BIN2: variants seen among roughly 807,000 people sequenced by gnomAD.
The protein encoded by BIN2 is breast cancer associated protein BRAP1.
Under a neutral mutation model 67.9 loss-of-function variants are expected in BIN2, and 43 were observed. The observed-to-expected ratio is 0.63, with a 90% CI of 0.50 to 0.82. The LOEUF (loss-of-function observed/expected upper bound fraction) is 0.82. Ranked by LOEUF, BIN2 falls within the 40% of genes least tolerant of loss-of-function variation. The pLI is 0.00. For synonymous variants in BIN2, 244 were observed against 246.8 expected, an observed-to-expected ratio of 0.99 and a Z score of 0.11; for missense variants, 581 against 671.6, an observed-to-expected ratio of 0.87 and a Z score of 1.49.
In BIN2 at chr12:51,299,091, G is replaced by T. The variant is rs771575673; in HGVS notation, c.602+112C>A. Reference sequence around the variant, plus strand: ...CCCTGTCTCGAAAAAAAAAAAAAGGGGGCGGGGCAGTGTGGGAATTTAAAT... The same window carrying T: ...CCCTGTCTCGAAAAAAAAAAAAAGGTGGCGGGGCAGTGTGGGAATTTAAAT... On this transcript the variant is annotated intron_variant, in intron 7 of 12. Coordinates refer to ENST00000615107, the MANE Select transcript of BIN2 (RefSeq NM_016293.4). 394 of 684,174 alleles carry T rather than the reference G, an allele frequency of 5.8e-4. 5 individuals carry two copies. Among genetic ancestry groups the T allele is most frequent in the Admixed American group, 1.7e-4 (6 of 34,514 alleles). 42.4% of individuals were successfully genotyped at this position (684,174 alleles called of 1,614,324 possible).
At chr12:51,299,118 T>C in intron 7 of BIN2, 85 bp downstream of exon 7, 1 of 962,948 alleles carries the variant, frequency 1.0e-6, no homozygotes, top group South Asian at 1.4e-5. Flanking sequence ...AATTTAAATC[T>C]AAAACACTTT....
intron 11 of BIN2, among the ~76,000 whole-genome samples, chr12:51,285,973 A>T (rs1945229461): frequency 6.6e-6 from 1 of 152,152 alleles, no homozygotes; most frequent in Non-Finnish European, 1.5e-5. Flanking sequence ...TCCTTCAAGG[A>T]CATTTTCTTT....
chr12:51,294,433 G>A (rs1427619678), intron 9 of BIN2, among the ~76,000 whole-genome samples: 2 of 152,114 alleles, frequency 1.3e-5, no homozygotes, highest in African/African-American at 4.8e-5. Flanking sequence ...CGGGTGTGGT[G>A]GCATGTGCCT....
At chr12:51,283,853 G>A (rs1945174685) in intron 12 of BIN2, among the ~76,000 whole-genome samples, 1 of 151,866 alleles carries the variant, frequency 6.6e-6, no homozygotes, top group Non-Finnish European at 1.5e-5. Context: ...AATTAGCTGG[G>A]CGTGGTGGCG....
Position 51,324,072 on chromosome 12 carries a change from C to T in BIN2, c.31G>A (p.Gly11Ser), listed in dbSNP as rs1184050111. The change falls in exon 1 of 13, where the codon GGC (glycine) becomes AGC (serine). Residue 11 changes from glycine (G) to serine (S), a missense_variant. Gly to Ser is a moderately conservative substitution (Grantham distance 56, BLOSUM62 0). Coordinates refer to ENST00000615107, the MANE Select transcript of BIN2 (RefSeq NM_016293.4). MAEGKAGGAA[G>S]LFAKQVQKKF... is the part of the protein sequence containing the mutation. Reference sequence around the variant, plus strand: ...TTCTGCACCTGCTTGGCGAAGAGGCCGGCCGCGCCGCCTGCCTTGCCCTCT... The same window carrying T: ...TTCTGCACCTGCTTGGCGAAGAGGCTGGCCGCGCCGCCTGCCTTGCCCTCT... 6.2e-7 allele frequency: 1 copy of T among 1,613,444 alleles called. No homozygotes were observed. Among genetic ancestry groups the T allele is most frequent in the East Asian group, 2.2e-5 (1 of 44,826 alleles).
rs370076445 is a variant in BIN2, at chr12:51,323,891, G to A, written c.81+131C>T. The A allele has an allele frequency of 2.1e-5, 23 of 1,097,618 alleles. No individual in the cohort carries two copies. The East Asian group carries it at 4.6e-4, about 22-fold the overall frequency. 68.0% of individuals were successfully genotyped at this position (1,097,618 alleles called of 1,614,324 possible). On this transcript the variant is annotated intron_variant, in intron 1 of 12. Transcript: ENST00000615107. ...CTCGCTCCCGTTTCCCTGGGAGAGC[G>A]GGAGACCCTTCTCGTCAGCCCAGAC...
intron 8 of BIN2, 27 bp downstream of exon 8, chr12:51,297,062 A>G: frequency 6.3e-7 from 1 of 1,582,042 alleles, no homozygotes; most frequent in East Asian, 2.2e-5. Flanking sequence ...CACACCTAGG[A>G]GCCTCAATTG....
intron 5 of BIN2, 151 bp downstream of exon 5, chr12:51,301,869 T>G (rs1945731691): frequency 1.0e-5 from 6 of 592,278 alleles, no homozygotes; most frequent in South Asian, 2.0e-5. Context: ...CCTAACCTCT[T>G]GTCTAACCCT....
At chr12:51,319,715 A>G (rs1946218117) in intron 1 of BIN2, among the ~76,000 whole-genome samples, 1 of 152,170 alleles carries the variant, frequency 6.6e-6, no homozygotes, top group East Asian at 1.9e-4. Flanking sequence ...TTCATTGATT[A>G]TTTATAACTT....
At position 51,281,333 on chromosome 12, in the gene BIN2, A is replaced by AG; in HGVS notation, c.*165dup. 1.5e-6 allele frequency: 1 copy of AG among 676,250 alleles called. No homozygotes were observed. Among genetic ancestry groups the AG allele is most frequent in the Non-Finnish European group, 2.6e-6 (1 of 379,980 alleles). 41.9% of individuals were successfully genotyped at this position (676,250 alleles called of 1,614,324 possible). On this transcript the variant is annotated 3_prime_UTR_variant, in exon 13 of 13. Coordinates refer to ENST00000615107, the MANE Select transcript of BIN2 (RefSeq NM_016293.4). ...CCTGCCTCCCTCCATCCCTCCCGTA[A>AG]GGCTGCTCCTCCGCCTCCATTAATG...
rs200063227 is a variant in BIN2 at position 51,291,836 on chromosome 12, C to T, written c.1270G>A (p.Ala424Thr). 2.5e-5 allele frequency: 41 copies of T among 1,613,952 alleles called. No individual in the cohort carries two copies. Among genetic ancestry groups the T allele is most frequent in the Non-Finnish European group, 2.0e-5 (24 of 1,179,996 alleles). Reference protein sequence around the residue: ...PSRPPPPRATASPRPSSGNIP... With the variant: ...PSRPPPPRATTSPRPSSGNIP... Reference sequence around the variant, plus strand: ...TTCCCTGAGGAGGGCCTGGGGCTTGCAGTGGCTCTGGGTGGAGGAGGCCTA... The same window carrying T: ...TTCCCTGAGGAGGGCCTGGGGCTTGTAGTGGCTCTGGGTGGAGGAGGCCTA... The change falls in exon 10 of 13, where the codon GCA becomes ACA. Residue 424 changes from alanine to threonine, a missense_variant. Physicochemically the swap from Ala to Thr is moderately conservative, Grantham distance 58 (BLOSUM62 0). Transcript: ENST00000615107.
upstream of BIN2, chr12:51,324,469 C>T: frequency 6.6e-7 from 1 of 1,517,846 alleles, no homozygotes; most frequent in Non-Finnish European, 8.8e-7. Context: ...ACTGCCACCG[C>T]AGGGTAGAAA....
intron 9 of BIN2, among the ~76,000 whole-genome samples, chr12:51,294,581 C>A (rs372679618): frequency 5.8e-4 from 81 of 140,080 alleles, no homozygotes; most frequent in Middle Eastern, 3.6e-3. Flanking sequence ...AAAAAAAAAA[C>A]AAAAAAAACC....
At chr12:51,304,402 G>C (rs776616062) in intron 2 of BIN2, 2 of 152,204 alleles carry the variant, frequency 1.3e-5, no homozygotes, top group Non-Finnish European at 2.9e-5. Flanking sequence ...GTTCCTTATG[G>C]TGTTTAGGCC....
chr12:51,298,968 G>C (rs1240283728), intron 7 of BIN2, among the ~76,000 whole-genome samples: 1 of 151,952 alleles, frequency 6.6e-6, no homozygotes, highest in Non-Finnish European at 1.5e-5. Context: ...AGGTACTCGG[G>C]TGGCTGAAGC....
chr12:51,284,424 C>T (rs1019045915), intron 12 of BIN2, among the ~76,000 whole-genome samples: 1 of 151,910 alleles, frequency 6.6e-6, no homozygotes, highest in African/African-American at 2.4e-5. Flanking sequence ...GACCTTTTTG[C>T]ATTTAAAAAA....
chr12:51,320,044 G>A (rs1415403196), intron 1 of BIN2, among the ~76,000 whole-genome samples: 5 of 151,928 alleles, frequency 3.3e-5, no homozygotes, highest in East Asian at 1.9e-4. Flanking sequence ...GGAGTGCAGT[G>A]GCACAATCTC....
In BIN2 at chr12:51,291,576, C is replaced by CAGAA. The variant is rs749546133; in HGVS notation, c.1515+11_1515+14dup. 3.2e-6 allele frequency: 5 copies of CAGAA among 1,562,562 alleles called. No individual in the cohort carries two copies. Among genetic ancestry groups the CAGAA allele is most frequent in the African/African-American group, 1.4e-5 (1 of 72,362 alleles). On this transcript the variant is annotated intron_variant, in intron 10 of 12. Coordinates refer to ENST00000615107, the MANE Select transcript of BIN2 (RefSeq NM_016293.4). ...AAATTAATTAAATTAAATACCCAAC[C>CAGAA]AGAACTACTCTTACCTGAGATGTCA...
intron 2 of BIN2, among the ~76,000 whole-genome samples, chr12:51,305,158 G>A (rs768058423): frequency 5.3e-5 from 8 of 151,560 alleles, no homozygotes; most frequent in Non-Finnish European, 1.2e-4. Context: ...CCAACATGGT[G>A]AAACCCCATC....
Sources: allele counts gnomAD v4.1 joint callset (sites outside exome capture counted in the v4.1 genomes callset), GRCh38; gene constraint gnomAD v4.1.1; transcripts MANE v1.5; gene names NCBI Gene and HGNC (gene_info 2026-07-23, HGNC 2026-07-21).